RELN: variants seen among roughly 807,000 people sequenced by gnomAD.
RELN encodes the protein reelin.
Under a neutral mutation model 427.6 loss-of-function variants are expected in RELN, and 108 were observed. That is an observed-to-expected ratio of 0.25 (90% CI 0.22 to 0.30). RELN has a LOEUF of 0.30. Ranked by LOEUF, RELN falls within the 10% of genes least tolerant of loss-of-function variation. RELN has a pLI of 1.00. For synonymous variants in RELN, 1,524 were observed against 1,513.4 expected (o/e 1.01, Z -0.16); for missense variants, 3,715 against 4,302.8 (o/e 0.86, Z 3.82).
At chr7:103,958,612 T>C (rs942484292) in intron 1 of RELN, among the ~76,000 whole-genome samples, 1 of 152,118 alleles carries the variant, frequency 6.6e-6, no homozygotes, top group South Asian at 2.1e-4. Context: ...TGTATGGGTG[T>C]ACTTTTTGTC....
chr7:103,580,508 A>G (rs966451566), intron 28 of RELN, among the ~76,000 whole-genome samples: 2 of 152,182 alleles, frequency 1.3e-5, no homozygotes, highest in Non-Finnish European at 2.9e-5. Flanking sequence ...CTTACTTCCA[A>G]CTGGGTTATA....
intron 8 of RELN, among the ~76,000 whole-genome samples, chr7:103,720,162 T>C (rs977678613): frequency 2.0e-5 from 3 of 149,476 alleles, no homozygotes; most frequent in African/African-American, 5.0e-5. Flanking sequence ...TATGTATATA[T>C]TGTATAAACA....
chr7:103,880,565 G>A (rs746101534), intron 2 of RELN, among the ~76,000 whole-genome samples: 1 of 152,096 alleles, frequency 6.6e-6, no homozygotes, highest in Non-Finnish European at 1.5e-5. Flanking sequence ...CTCTGACAAG[G>A]GGGACCAAGG....
At chr7:103,612,771 C>G (rs1249776213) in intron 20 of RELN, among the ~76,000 whole-genome samples, 1 of 152,100 alleles carries the variant, frequency 6.6e-6, no homozygotes, top group South Asian at 2.1e-4. Flanking sequence ...ATTCACGTCA[C>G]GGGTCCCAAT....
chr7:103,751,899 C>G (rs1791011718), intron 5 of RELN, among the ~76,000 whole-genome samples: 1 of 152,226 alleles, frequency 6.6e-6, no homozygotes, highest in African/African-American at 2.4e-5. Flanking sequence ...TTTGAAAAGG[C>G]TGCAACCAGC....
intron 1 of RELN, among the ~76,000 whole-genome samples, chr7:103,974,369 C>A (rs897710544): frequency 2.0e-5 from 3 of 152,166 alleles, no homozygotes; most frequent in Non-Finnish European, 4.4e-5. Context: ...TCAGCCAGTC[C>A]ATTTCCTGAG....
chr7:103,777,518 A>G (rs950183187), intron 3 of RELN, among the ~76,000 whole-genome samples: 2 of 152,200 alleles, frequency 1.3e-5, no homozygotes, highest in Non-Finnish European at 2.9e-5. Flanking sequence ...TGATTTAACT[A>G]TCATCTGCTG....
Position 103,611,471 on chromosome 7 carries a change from T to C in RELN, c.2895+140A>G, listed in dbSNP as rs1035253251. 6.1e-6 allele frequency: 4 copies of C among 659,234 alleles called. No homozygotes were observed. The Admixed American group carries it at 1.2e-4, about 19-fold the overall frequency. 40.8% of individuals were successfully genotyped at this position (659,234 alleles called of 1,614,324 possible). ...TAATCCTTTGCTGACTTTATGTTAA[T>C]TCTAAGTTACAAATATTAAATAACA... On this transcript the variant is annotated intron_variant, in intron 21 of 64. Transcript: ENST00000428762.
intron 5 of RELN, among the ~76,000 whole-genome samples, chr7:103,750,697 C>G (rs1274328541): frequency 6.6e-6 from 1 of 152,138 alleles, no homozygotes. Context: ...CTCTCCTTCC[C>G]TATATTCACT....
chr7:103,724,627 A>C (rs1790159813), intron 7 of RELN, among the ~76,000 whole-genome samples: 1 of 152,184 alleles, frequency 6.6e-6, no homozygotes, highest in African/African-American at 2.4e-5. Flanking sequence ...TGTGTGGAAT[A>C]TCGCCAAATT....
Position 103,561,954 on chromosome 7 carries a change from CTAA to C in RELN, c.5211-4_5211-2del, listed in dbSNP as rs1562892308. On this transcript the variant is annotated splice_acceptor_variant and splice_polypyrimidine_tract_variant and intron_variant, in intron 34 of 64. Coordinates refer to ENST00000428762, the MANE Select transcript of RELN (RefSeq NM_005045.4). LOFTEE classifies it high-confidence loss of function. Reference sequence around the variant, plus strand: ...CCATCTGAACCGGGTCCTGGGAGAACTAACCAAAAAAAAAAAAAAAAAAACACA... The same window carrying C: ...CCATCTGAACCGGGTCCTGGGAGAACCCAAAAAAAAAAAAAAAAAAACACA... The C allele has an allele frequency of 2.2e-6, 2 of 903,024 alleles. No individual in the cohort carries two copies. The highest frequency in any genetic ancestry group is 2.4e-5 in the African/African-American group (1 of 40,818). The allele number at this position is 903,024 out of a possible 1,614,324, so 55.9% of individuals were successfully genotyped here.
rs115634337 is a variant in RELN, at chr7:103,477,243, T to C, written c.10286+1146A>G. Among the ~76,000 whole-genome samples, 491 of 152,338 alleles carry C rather than the reference T, an allele frequency of 3.2e-3. 3 individuals are homozygous for C. Among genetic ancestry groups the C allele is most frequent in the African/African-American group, 0.011 (466 of 41,586 alleles). On this transcript the variant is annotated intron_variant, in intron 64 of 64. Transcript: ENST00000428762. ...GAATAACTAGTGACTCTGTGCTCTT[T>C]TGAACTGTTACTCTTTAAAGGAGAC...
intron 6 of RELN, among the ~76,000 whole-genome samples, chr7:103,739,997 G>C (rs1347819412): frequency 6.6e-6 from 1 of 152,188 alleles, no homozygotes; most frequent in Non-Finnish European, 1.5e-5. Context: ...GTGTGGACTA[G>C]TCACCAGACT....
At chr7:103,807,270 G>A (rs1170062380) in intron 3 of RELN, among the ~76,000 whole-genome samples, 1 of 152,104 alleles carries the variant, frequency 6.6e-6, no homozygotes, top group Admixed American at 6.5e-5. Flanking sequence ...GAGAAACTGG[G>A]AAGCCAACAG....
Position 103,522,183 on chromosome 7 carries a change from C to T in RELN, c.7507G>A (p.Gly2503Ser). 6.2e-7 allele frequency: 1 copy of T among 1,613,926 alleles called. No individual in the cohort carries two copies. The highest frequency in any genetic ancestry group is 8.5e-7 in the Non-Finnish European group (1 of 1,180,004). ...TCGGGGTCATCACAGTACAGGCCAC[C>T]CCACTGTTCATCACAGCTGGGTGCA... ...QGNCVCDEQW[G>S]GLYCDDPETS... The change falls in exon 48 of 65, where the codon GGT (glycine) becomes AGT (serine). Residue 2503 changes from glycine to serine, a missense_variant. This residue lies in a region of RELN where 1,310 missense variants were observed against 1,643.0 expected (regional missense o/e 0.80). Coordinates refer to ENST00000428762, the MANE Select transcript of RELN (RefSeq NM_005045.4).
chr7:103,764,356 T>C (rs948976035), intron 4 of RELN, among the ~76,000 whole-genome samples: 5 of 152,082 alleles, frequency 3.3e-5, no homozygotes, highest in African/African-American at 1.2e-4. Context: ...GATGAGAGAA[T>C]TGAGACTCAA....
chr7:103,543,883 C>T (rs534547480), intron 42 of RELN, among the ~76,000 whole-genome samples: 9 of 152,214 alleles, frequency 5.9e-5, no homozygotes, highest in Admixed American at 2.6e-4. Flanking sequence ...TTCATGAGCC[C>T]GAAAGGAAAC....
rs896095537 is a variant in RELN, at chr7:103,472,707, A to G, written c.*105T>C. 1.5e-5 allele frequency: 14 copies of G among 917,428 alleles called. No homozygotes were observed. The Middle Eastern group carries it at 7.7e-4, about 51-fold the overall frequency. The allele number at this position is 917,428 out of a possible 1,614,324, so 56.8% of individuals were successfully genotyped here. On this transcript the variant is annotated 3_prime_UTR_variant, in exon 65 of 65. Coordinates refer to ENST00000428762, the MANE Select transcript of RELN (RefSeq NM_005045.4). ...TGAGAAGGGCTTTCAGGTAATCACC[A>G]AGTCCTTCACAGATATTTCCTGATA...
chr7:103,521,922 C>T (rs1202377880), intron 48 of RELN, 100 bp downstream of exon 48: 3 of 1,195,768 alleles, frequency 2.5e-6, no homozygotes, highest in African/African-American at 1.5e-5. Flanking sequence ...GGGTAACTAA[C>T]CCTGCATCTT....
Sources: allele counts gnomAD v4.1 joint callset (sites outside exome capture counted in the v4.1 genomes callset), GRCh38; gene constraint gnomAD v4.1.1; regional missense constraint gnomAD v4.1.1; transcripts MANE v1.5; gene names NCBI Gene and HGNC (gene_info 2026-07-23, HGNC 2026-07-21).